MLLT10: variants seen among roughly 807,000 people sequenced by gnomAD.
The protein encoded by MLLT10 is MLLT10 histone lysine methyltransferase DOT1L cofactor.
A neutral mutation model predicts 129.1 loss-of-function variants in MLLT10; 30 were observed. The ratio of observed to expected loss-of-function variants is 0.23; its 90% CI spans 0.17 to 0.32. The LOEUF is 0.32. MLLT10 is among the 10% of genes least tolerant of loss of function. The pLI, the probability that MLLT10 is intolerant of heterozygous loss-of-function variation, is 1.00. For missense variants in MLLT10, 1,119 were observed against 1,268.3 expected (o/e 0.88, Z 1.79); for synonymous variants, 490 against 446.4 (o/e 1.10, Z -1.23).
At chr10:21,593,928 A>T (rs1194682009) in intron 4 of MLLT10, among the ~76,000 whole-genome samples, 9 of 120,466 alleles carry the variant, frequency 7.5e-5, no homozygotes, top group East Asian at 4.1e-4. Context: ...TTTGTCTTTA[A>T]AAAAAAAAAA....
intron 21 of MLLT10, among the ~76,000 whole-genome samples, chr10:21,737,992 G>A (rs1010404929): frequency 2.6e-5 from 4 of 152,118 alleles, no homozygotes; most frequent in East Asian, 1.9e-4. Flanking sequence ...AATGCTGGCC[G>A]GGCGTGGTGG....
chr10:21,663,189 G>A (rs1216231056), intron 9 of MLLT10, among the ~76,000 whole-genome samples: 4 of 152,178 alleles, frequency 2.6e-5, no homozygotes, highest in African/African-American at 7.2e-5. Flanking sequence ...ATTCACAAAA[G>A]TGTGAGGGTC....
At chr10:21,688,608 C>T in intron 13 of MLLT10, 1 of 1,363,284 alleles carries the variant, frequency 7.3e-7, no homozygotes, top group Non-Finnish European at 1.0e-6. Context: ...GCTTGGAAAC[C>T]TTCCCATACA....
At chr10:21,570,645 G>A (rs2040101933) in intron 3 of MLLT10, among the ~76,000 whole-genome samples, 1 of 151,588 alleles carries the variant, frequency 6.6e-6, no homozygotes, top group African/African-American at 2.4e-5. Context: ...AAATCTCAAA[G>A]TGTATTTTTC....
chr10:21,726,249 TACTC>T lies in MLLT10; in HGVS notation c.1885_1888del (p.Thr629TyrfsTer26), dbSNP rs1372567772. ...TTGTAATTTTTTCCATTTAGGCAAA[TACTC>T]TATCTGGATCTTCTCTCAGTCAGGC... On this transcript the variant is annotated frameshift_variant, in exon 15 of 23. Coordinates refer to ENST00000307729, the MANE Select transcript of MLLT10 (RefSeq NM_001195626.3). LOFTEE classifies it high-confidence loss of function. The T allele has an allele frequency of 6.3e-7, 1 of 1,598,708 alleles. No homozygotes were observed. Among genetic ancestry groups the T allele is most frequent in the Admixed American group, 1.7e-5 (1 of 58,420 alleles).
At chr10:21,595,618 A>G in intron 5 of MLLT10, 178 bp downstream of exon 5, 1 of 490,322 alleles carries the variant, frequency 2.0e-6, no homozygotes, top group Non-Finnish European at 3.6e-6. Flanking sequence ...TCACAGGAGT[A>G]CAAAGCAAGC....
At chr10:21,689,964 A>G (rs2053700351) in intron 13 of MLLT10, among the ~76,000 whole-genome samples, 1 of 152,002 alleles carries the variant, frequency 6.6e-6, no homozygotes, top group South Asian at 2.1e-4. Context: ...AGAACTGGTA[A>G]TGACAGTAGC....
chr10:21,685,022 C>T (rs1222520239), intron 13 of MLLT10, among the ~76,000 whole-genome samples: 1 of 151,802 alleles, frequency 6.6e-6, no homozygotes. Context: ...TAGAATTAAC[C>T]CTTTCTCTCT....
At chr10:21,535,005 C>T (rs1588725413) in intron 2 of MLLT10, among the ~76,000 whole-genome samples, 1 of 149,630 alleles carries the variant, frequency 6.7e-6, no homozygotes, top group Non-Finnish European at 1.5e-5. Context: ...TGTGATTCCG[C>T]TCTCACTCTC....
intron 4 of MLLT10, among the ~76,000 whole-genome samples, chr10:21,594,286 A>G (rs1380354838): frequency 6.6e-6 from 1 of 151,906 alleles, no homozygotes; most frequent in East Asian, 1.9e-4. Flanking sequence ...CGTGGTGCTC[A>G]TGCCTGTAAT....
intron 5 of MLLT10, among the ~76,000 whole-genome samples, chr10:21,596,981 T>C (rs559873117): frequency 6.6e-6 from 1 of 152,306 alleles, no homozygotes; most frequent in South Asian, 2.1e-4. Context: ...GTTTCTGCCT[T>C]TGATGCTGTG....
intron 3 of MLLT10, among the ~76,000 whole-genome samples, chr10:21,570,864 A>G (rs192505285): frequency 6.6e-6 from 1 of 152,102 alleles, no homozygotes; most frequent in Admixed American, 6.5e-5. Flanking sequence ...TCCTGCTTCT[A>G]TGTAAGTCTT....
At chr10:21,567,184 G>A (rs74526959) in intron 3 of MLLT10, among the ~76,000 whole-genome samples, 2 of 152,246 alleles carry the variant, frequency 1.3e-5, no homozygotes, top group East Asian at 3.9e-4. Context: ...ATGAGACTAT[G>A]CACTTACTTA....
At chr10:21,546,826 C>G (rs1156405575) in intron 3 of MLLT10, among the ~76,000 whole-genome samples, 1 of 151,970 alleles carries the variant, frequency 6.6e-6, no homozygotes, top group Non-Finnish European at 1.5e-5. Flanking sequence ...TTCCCGGGTT[C>G]AAGCGATTGT....
intron 14 of MLLT10, among the ~76,000 whole-genome samples, chr10:21,723,518 G>C (rs1474930492): frequency 6.6e-6 from 1 of 152,192 alleles, no homozygotes; most frequent in African/African-American, 2.4e-5. Flanking sequence ...TCAAAAGGCT[G>C]GGAGTGTTTC....
intron 3 of MLLT10, among the ~76,000 whole-genome samples, chr10:21,562,163 CT>C (rs2038900124): frequency 6.6e-6 from 1 of 151,928 alleles, no homozygotes; most frequent in Non-Finnish European, 1.5e-5. Context: ...AGTGTGATGT[CT>C]TCAAATTTAT....
intron 3 of MLLT10, among the ~76,000 whole-genome samples, chr10:21,540,728 T>C (rs1037275941): frequency 6.6e-6 from 1 of 152,176 alleles, no homozygotes; most frequent in African/African-American, 2.4e-5. Flanking sequence ...TTCCAAGACA[T>C]CTTGTTATAG....
chr10:21,604,787 T>C (rs1157964739), intron 5 of MLLT10, among the ~76,000 whole-genome samples: 1 of 152,106 alleles, frequency 6.6e-6, no homozygotes, highest in African/African-American at 2.4e-5. Flanking sequence ...AAAATAGTTC[T>C]CTGTGGCTTG....
intron 13 of MLLT10, among the ~76,000 whole-genome samples, chr10:21,700,062 G>A (rs1168545074): frequency 6.9e-6 from 1 of 144,504 alleles, no homozygotes; most frequent in Non-Finnish European, 1.5e-5. Flanking sequence ...TCAGTGTTTT[G>A]TAATTTTTCT....
Sources: gnomAD v4.1 joint callset for allele counts (sites outside exome capture counted in the v4.1 genomes callset) on GRCh38, gnomAD v4.1.1 for gene constraint, MANE v1.5 for transcripts, NCBI Gene and HGNC (gene_info 2026-07-23, HGNC 2026-07-21) for gene names.